Variants in PSAT1 observed in about 807,000 individuals in gnomAD.
PSAT1 encodes phosphoserine aminotransferase.
A neutral mutation model predicts 40.3 loss-of-function variants in PSAT1; 41 were observed. That is an observed-to-expected ratio of 1.02 (90% CI 0.79 to 1.32). PSAT1 has a LOEUF of 1.32. Ranked by LOEUF, PSAT1 falls within the 40% of genes most tolerant of loss-of-function variation. PSAT1 has a pLI of 0.00. For missense variants in PSAT1, 406 were observed against 455.8 expected (o/e 0.89, Z 0.99); for synonymous variants, 147 against 170.5 (o/e 0.86, Z 1.07).
intron 3 of PSAT1, among the ~76,000 whole-genome samples, chr9:78,302,669 G>A (rs1828123921): frequency 1.4e-5 from 2 of 147,824 alleles, no homozygotes; most frequent in African/African-American, 2.5e-5. Context: ...GGGAGGCGGA[G>A]TTTGCAGTGA....
Position 78,297,208 on chromosome 9 carries a change from A to T in PSAT1, c.-3A>T, listed in dbSNP as rs1375664865. The stretch of plus-strand genomic sequence containing the variant: ...GCTGACTCACCGCCCTGGCCGCCGC[A>T]CCATGGACGCCCCCAGGCAGGTGGT... On this transcript the variant is annotated 5_prime_UTR_variant, in exon 1 of 9. Transcript: ENST00000376588. 1 of 1,599,250 alleles carries T rather than the reference A, an allele frequency of 6.3e-7. No homozygotes were observed. Among genetic ancestry groups the T allele is most frequent in the South Asian group, 1.1e-5 (1 of 89,452 alleles).
chr9:78,318,921 TG>T (rs1395217115), intron 7 of PSAT1, among the ~76,000 whole-genome samples: 1 of 152,106 alleles, frequency 6.6e-6, no homozygotes, highest in East Asian at 1.9e-4. Context: ...GTGTAACAGG[TG>T]GTATCTTCAT....
At chr9:78,328,000 A>G in intron 7 of PSAT1, 51 bp from the exon 8 acceptor site, 1 of 1,582,998 alleles carries the variant, frequency 6.3e-7, no homozygotes, top group Non-Finnish European at 8.7e-7. Context: ...TTTGTTTATG[A>G]CAACCCATAC....
At chr9:78,327,938 A>T (rs1016713250) in intron 7 of PSAT1, 113 bp from the exon 8 acceptor site, 18 of 1,199,530 alleles carry the variant, frequency 1.5e-5, no homozygotes, top group Non-Finnish European at 1.9e-5. Flanking sequence ...TTTGTTTTTT[A>T]AAAAATCTTC....
At chr9:78,327,908 C>T in intron 7 of PSAT1, 143 bp from the exon 8 acceptor site, 1 of 821,402 alleles carries the variant, frequency 1.2e-6, no homozygotes, top group Non-Finnish European at 2.0e-6. Context: ...AATAAATGTG[C>T]TGGGGCAGAT....
At position 78,329,439 on chromosome 9, in the gene PSAT1, C is replaced by T; in HGVS notation, c.*353C>T. On this transcript the variant is annotated 3_prime_UTR_variant, in exon 9 of 9. Coordinates refer to ENST00000376588, the MANE Select transcript of PSAT1 (RefSeq NM_058179.4). The stretch of plus-strand genomic sequence containing the variant: ...AATTATTTCTGGAGTCATGGGAACA[C>T]ACAGCACAGAGGGTAGGGGGGCCCT... 1 of 349,556 alleles carries T rather than the reference C, an allele frequency of 2.9e-6. No individual in the cohort carries two copies. The highest frequency in any genetic ancestry group is 5.5e-6 in the Non-Finnish European group (1 of 181,016). The allele number at this position is 349,556 out of a possible 1,614,324, so 21.7% of individuals were successfully genotyped here. A position where few individuals can be genotyped will look rare whatever the true frequency, so the allele number is the denominator to read the frequency against.
chr9:78,311,066 G>C (rs1349001856), intron 6 of PSAT1, among the ~76,000 whole-genome samples: 1 of 152,140 alleles, frequency 6.6e-6, no homozygotes, highest in African/African-American at 2.4e-5. Flanking sequence ...CTTTTACCTT[G>C]GTTGAAATGT....
intron 7 of PSAT1, among the ~76,000 whole-genome samples, chr9:78,324,406 T>C (rs1373487958): frequency 1.3e-5 from 2 of 152,112 alleles, no homozygotes; most frequent in Non-Finnish European, 2.9e-5. Flanking sequence ...TCCTTAAATC[T>C]TTGCAGCCCT....
intron 1 of PSAT1, chr9:78,298,203 T>G: frequency 4.2e-6 from 3 of 713,004 alleles, no homozygotes; most frequent in African/African-American, 2.0e-5. Flanking sequence ...CCACCCGCAG[T>G]GAAGAAGGCA....
chr9:78,308,143 G>A (rs1277236676), intron 5 of PSAT1, among the ~76,000 whole-genome samples: 4 of 152,168 alleles, frequency 2.6e-5, no homozygotes, highest in African/African-American at 7.2e-5. Context: ...TGTGCAGAGC[G>A]AATGTGAATA....
intron 7 of PSAT1, among the ~76,000 whole-genome samples, chr9:78,322,537 C>T (rs115312602): frequency 1.2e-3 from 184 of 152,052 alleles, no homozygotes; most frequent in African/African-American, 4.1e-3. Flanking sequence ...AAAAGAATGA[C>T]GTATTTAATT....
chr9:78,309,028 C>T (rs1007623671), intron 6 of PSAT1, among the ~76,000 whole-genome samples: 2 of 152,164 alleles, frequency 1.3e-5, no homozygotes, highest in Non-Finnish European at 2.9e-5. Context: ...TTCCAGGAGC[C>T]GGTGATCAAA....
chr9:78,303,047 A>C (rs1356863497), intron 3 of PSAT1, among the ~76,000 whole-genome samples: 1 of 152,176 alleles, frequency 6.6e-6, no homozygotes, highest in Admixed American at 6.5e-5. Context: ...TCACAGAAAT[A>C]ATGCACATTT....
At chr9:78,307,190 A>T (rs1366732908) in intron 5 of PSAT1, among the ~76,000 whole-genome samples, 1 of 151,298 alleles carries the variant, frequency 6.6e-6, no homozygotes, top group Admixed American at 6.6e-5. Context: ...TTAAACACTA[A>T]CTCCCTCTCT....
rs750881789 is a variant in PSAT1, at chr9:78,297,304, T to C, written c.60+34T>C. ...CCGCGAGCGGGCGCCGGGAGTGAGG[T>C]TCAGGCGGGAGCACGCACGCGGGTG... On this transcript the variant is annotated intron_variant, in intron 1 of 8. Transcript: ENST00000376588. The C allele has an allele frequency of 7.0e-6, 11 of 1,578,644 alleles. No individual in the cohort carries two copies. The South Asian group carries it at 1.0e-4, about 15-fold the overall frequency.
chr9:78,302,997 G>A (rs73451049), intron 3 of PSAT1, among the ~76,000 whole-genome samples: 164 of 152,136 alleles, frequency 1.1e-3, no homozygotes, highest in African/African-American at 3.7e-3. Context: ...ATAAACCTAC[G>A]AATATAGCAA....
intron 5 of PSAT1, among the ~76,000 whole-genome samples, chr9:78,307,692 C>T (rs539929596): frequency 7.0e-4 from 106 of 152,184 alleles, no homozygotes; most frequent in Non-Finnish European, 1.4e-3. Flanking sequence ...TTTGTCATAA[C>T]AGTCCCTTTC....
chr9:78,329,006 C>T lies in PSAT1; in HGVS notation c.1033C>T (p.Leu345=). The change falls in exon 9 of 9, where the codon CTG becomes TTG. Residue 345 remains leucine (L), a synonymous_variant. Coordinates refer to ENST00000376588, the MANE Select transcript of PSAT1 (RefSeq NM_058179.4). ...GTCTGTGGGAGGCATCCGGGCCTCT[C>T]TGTATAATGCTGTCACAATTGAAGA... is the stretch of plus-strand genomic sequence containing the variant. ...HRSVGGIRAS[L]YNAVTIEDVQ... The T allele has an allele frequency of 1.2e-6, 2 of 1,613,772 alleles. No individual in the cohort carries two copies. Among genetic ancestry groups the T allele is most frequent in the Non-Finnish European group, 1.7e-6 (2 of 1,179,820 alleles).
rs543943473 is a variant in PSAT1, at chr9:78,324,188, C to T, written c.870-3863C>T. Among the ~76,000 whole-genome samples the T allele has an allele frequency of 7.6e-4, 116 of 152,240 alleles. 1 individual carries two copies. The highest frequency in any genetic ancestry group is 1.4e-3 in the Non-Finnish European group (92 of 68,020). ...GGGGAACACTGCGTTCCTGTCTGAC[C>T]TCCTGGGGTTCCTCATTTACGTGGT... On this transcript the variant is annotated intron_variant, in intron 7 of 8. Coordinates refer to ENST00000376588, the MANE Select transcript of PSAT1 (RefSeq NM_058179.4).
Sources: allele counts gnomAD v4.1 joint callset (sites outside exome capture counted in the v4.1 genomes callset), GRCh38; gene constraint gnomAD v4.1.1; transcripts MANE v1.5; gene names NCBI Gene and HGNC (gene_info 2026-07-23, HGNC 2026-07-21).